The following WDR64 variants were observed in gnomAD, a reference collection of about 807,000 sequenced individuals.
WDR64 encodes WD repeat-containing protein 64.
In WDR64, 112 loss-of-function variants were observed where a neutral mutation model predicts 139.3. That is an observed-to-expected ratio of 0.80 (90% confidence interval 0.69 to 0.94). WDR64 has a LOEUF of 0.94. Among genes scored for constraint, WDR64 ranks in the 40% least tolerant of loss-of-function variants. The pLI, the probability that WDR64 is intolerant of heterozygous loss-of-function variation, is 0.00. For missense variants in WDR64, 1,206 were observed against 1,293.1 expected (o/e 0.93, Z 1.03); for synonymous variants, 444 against 437.7 (o/e 1.01, Z -0.18).
At chr1:241,747,093 C>T (rs61825850) in intron 13 of WDR64, among the ~76,000 whole-genome samples, 1 of 152,074 alleles carries the variant, frequency 6.6e-6, no homozygotes. Flanking sequence ...AGTAAGATGT[C>T]TTCAAAATGA....
rs369140620 is a variant in WDR64, at chr1:241,771,991, C to A, written c.2290+294C>A. On this transcript the variant is annotated intron_variant, in intron 19 of 27. Transcript: ENST00000437684. ...ATATATATATATATATATATATATT[C>A]TTTTTGGAACCAAACATTGAGGTGC... Among the ~76,000 whole-genome samples, 19 of 84,740 alleles carry A rather than the reference C, an allele frequency of 2.2e-4. No homozygotes were observed. The East Asian group carries it at 8.0e-3, about 36-fold the overall frequency. 55.6% of individuals were successfully genotyped at this position (84,740 alleles called of 152,430 possible).
At chr1:241,654,411 T>C (rs1665493261) in intron 1 of WDR64, among the ~76,000 whole-genome samples, 1 of 152,254 alleles carries the variant, frequency 6.6e-6, no homozygotes, top group African/African-American at 2.4e-5. Flanking sequence ...AGCTATGTGA[T>C]AAGCTAATAT....
Position 241,802,278 on chromosome 1 carries a change from A to G in WDR64, c.*1063A>G, listed in dbSNP as rs1659548789. 2.5e-6 allele frequency: 1 copy of G among 398,166 alleles called. No homozygotes were observed. Among genetic ancestry groups the G allele is most frequent in the Non-Finnish European group, 4.4e-6 (1 of 225,882 alleles). The allele number at this position is 398,166 out of a possible 1,614,324, so 24.7% of individuals were successfully genotyped here. On this transcript the variant is annotated 3_prime_UTR_variant, in exon 28 of 28. Transcript: ENST00000437684. ...CAATCTCAAGAATATGTTAAGTCAA[A>G]AAAACTTTACAGAAAGAATACATGT... is the stretch of plus-strand genomic sequence containing the variant.
intron 9 of WDR64, among the ~76,000 whole-genome samples, chr1:241,716,985 C>T (rs979031443): frequency 2.6e-5 from 4 of 152,156 alleles, no homozygotes; most frequent in Non-Finnish European, 4.4e-5. Context: ...GGGATATAGC[C>T]TATTGCCAGC....
At chr1:241,761,495 A>G (rs1215594332) in intron 15 of WDR64, among the ~76,000 whole-genome samples, 2 of 151,692 alleles carry the variant, frequency 1.3e-5, no homozygotes, top group African/African-American at 2.4e-5. Flanking sequence ...CAATTTTTCT[A>G]TCTATGTTGT....
chr1:241,741,731 T>G, intron 12 of WDR64, 67 bp downstream of exon 12: 9 of 1,450,884 alleles, frequency 6.2e-6, no homozygotes, highest in Non-Finnish European at 8.2e-6. Flanking sequence ...GTTCTTAAAA[T>G]AAATCATTGA....
intron 23 of WDR64, among the ~76,000 whole-genome samples, chr1:241,785,553 T>C (rs1011671827): frequency 4.6e-5 from 7 of 152,216 alleles, no homozygotes; most frequent in African/African-American, 1.7e-4. Context: ...ATTCACGCCA[T>C]AGCACTGCTC....
chr1:241,737,310 T>C (rs1278190210), intron 10 of WDR64, among the ~76,000 whole-genome samples: 1 of 152,220 alleles, frequency 6.6e-6, no homozygotes, highest in African/African-American at 2.4e-5. Context: ...CAACTTTGTG[T>C]TCTTACATAT....
intron 15 of WDR64, among the ~76,000 whole-genome samples, chr1:241,763,911 C>A (rs551029487): frequency 6.6e-6 from 1 of 152,002 alleles, no homozygotes; most frequent in African/African-American, 2.4e-5. Context: ...GCTGGGGAGA[C>A]GGGGAGGTTT....
chr1:241,720,826 T>C (rs2148194752), intron 9 of WDR64, among the ~76,000 whole-genome samples: 1 of 152,322 alleles, frequency 6.6e-6, no homozygotes, highest in East Asian at 1.9e-4. Context: ...ATTTTTGCTT[T>C]TGTTGCCATT....
chr1:241,673,015 G>C (rs1359804533), intron 3 of WDR64, among the ~76,000 whole-genome samples: 1 of 152,104 alleles, frequency 6.6e-6, no homozygotes, highest in Non-Finnish European at 1.5e-5. Flanking sequence ...AAAATAGTCT[G>C]TACTAGTTCA....
intron 6 of WDR64, 130 bp downstream of exon 6, chr1:241,679,725 T>A (rs1338892378): frequency 1.4e-6 from 1 of 726,012 alleles, no homozygotes; most frequent in Non-Finnish European, 2.3e-6. Context: ...AAGTAAGTAA[T>A]CTCTTAGATC....
chr1:241,728,905 T>C (rs898150750), intron 10 of WDR64, among the ~76,000 whole-genome samples: 10 of 152,244 alleles, frequency 6.6e-5, no homozygotes, highest in African/African-American at 2.4e-4. Flanking sequence ...AAGTTGCTAA[T>C]TTTCGTACAT....
chr1:241,712,409 T>C (rs931969242), intron 9 of WDR64, among the ~76,000 whole-genome samples: 1 of 152,278 alleles, frequency 6.6e-6, no homozygotes, highest in African/African-American at 2.4e-5. Flanking sequence ...AAAAAGGTTA[T>C]CTGCTAAGAG....
chr1:241,735,533 C>CTTTTTTTTTTTTTTTT (rs58339742), intron 10 of WDR64, among the ~76,000 whole-genome samples: 5 of 103,514 alleles, frequency 4.8e-5, no homozygotes, highest in African/African-American at 1.1e-4. Context: ...CTCTCTCTCT[C>CTTTTTTTTTTTTTTTT]TTTTTTTTTT....
intron 1 of WDR64, among the ~76,000 whole-genome samples, chr1:241,655,681 AT>A (rs1665562656): frequency 7.1e-6 from 1 of 140,852 alleles, no homozygotes; most frequent in Admixed American, 7.6e-5. Context: ...TCATTCCCCA[AT>A]ATGGAGTGCC....
At chr1:241,745,220 A>G (rs536986239) in intron 13 of WDR64, among the ~76,000 whole-genome samples, 1 of 152,276 alleles carries the variant, frequency 6.6e-6, no homozygotes, top group African/African-American at 2.4e-5. Context: ...GCCTATACGC[A>G]TAAGCCAGTT....
In WDR64 at chr1:241,679,477, T is replaced by G; in HGVS notation, c.514-8T>G. On this transcript the variant is annotated splice_region_variant and splice_polypyrimidine_tract_variant and intron_variant, in intron 5 of 27. Transcript: ENST00000437684. ...ATTATATCCCCCAATTCTCTGCTTT[T>G]CTATCAGGACACCTCCTGGATTACA... The G allele has an allele frequency of 3.2e-6, 5 of 1,551,376 alleles. No homozygotes were observed. Among genetic ancestry groups the G allele is most frequent in the Non-Finnish European group, 4.4e-6 (5 of 1,146,332 alleles).
chr1:241,682,889 G>A (rs148492822), intron 6 of WDR64, among the ~76,000 whole-genome samples: 4 of 152,234 alleles, frequency 2.6e-5, no homozygotes, highest in South Asian at 2.1e-4. Flanking sequence ...TTGCACAGTC[G>A]TGCTGCAATA....
Sources: gnomAD v4.1 joint callset for allele counts (sites outside exome capture counted in the v4.1 genomes callset) on GRCh38, gnomAD v4.1.1 for gene constraint, MANE v1.5 for transcripts, NCBI Gene and HGNC (gene_info 2026-07-23, HGNC 2026-07-21) for gene names.